RASAL2: variants seen among roughly 807,000 people sequenced by gnomAD.
The protein encoded by RASAL2 is RAS protein activator like 2.
In RASAL2, 58 loss-of-function variants were observed where a neutral mutation model predicts 128.9. The observed-to-expected ratio is 0.45, with a 90% CI of 0.36 to 0.56. The LOEUF is 0.56. Ranked by LOEUF, RASAL2 falls within the 20% of genes least tolerant of loss-of-function variation. The pLI is 0.00. For missense variants in RASAL2, 1,360 were observed against 1,601.6 expected (o/e 0.85, Z 2.57); for synonymous variants, 561 against 580.8 (o/e 0.97, Z 0.49).
chr1:178,268,236 G>A (rs898627480), intron 1 of RASAL2, among the ~76,000 whole-genome samples: 2 of 152,064 alleles, frequency 1.3e-5, no homozygotes, highest in Non-Finnish European at 2.9e-5. Flanking sequence ...TTAGGAGGCC[G>A]AGGCGGGTGG....
intron 1 of RASAL2, among the ~76,000 whole-genome samples, chr1:178,270,894 T>C (rs748063276): frequency 6.6e-6 from 1 of 152,212 alleles, no homozygotes; most frequent in Non-Finnish European, 1.5e-5. Context: ...ATTGCCTGTC[T>C]GGAATGTAAA....
At chr1:178,186,911 A>C (rs1571602540) in intron 1 of RASAL2, among the ~76,000 whole-genome samples, 2 of 147,606 alleles carry the variant, frequency 1.4e-5, no homozygotes, top group Middle Eastern at 6.8e-3. Flanking sequence ...TCAGCCTCCA[A>C]CTCCTGGGCT....
intron 1 of RASAL2, among the ~76,000 whole-genome samples, chr1:178,179,523 T>TA (rs985056210): frequency 6.6e-6 from 1 of 151,978 alleles, no homozygotes; most frequent in Non-Finnish European, 1.5e-5. Context: ...AGAGGACAGG[T>TA]AGTGAGCAAA....
At chr1:178,392,162 CA>C (rs1432219380) in intron 4 of RASAL2, among the ~76,000 whole-genome samples, 1 of 152,032 alleles carries the variant, frequency 6.6e-6, no homozygotes, top group Non-Finnish European at 1.5e-5. Context: ...AGCCTAGTAG[CA>C]AGAGATAGAA....
At chr1:178,292,107 T>C (rs1305553995) in intron 2 of RASAL2, among the ~76,000 whole-genome samples, 2 of 151,684 alleles carry the variant, frequency 1.3e-5, no homozygotes, top group Non-Finnish European at 2.9e-5. Context: ...CATTGAATAA[T>C]TTAGAATTTC....
chr1:178,407,976 C>T (rs1674097875), intron 4 of RASAL2, among the ~76,000 whole-genome samples: 1 of 152,218 alleles, frequency 6.6e-6, no homozygotes, highest in African/African-American at 2.4e-5. Context: ...ATTGTCTTAA[C>T]ATTTACCAAG....
chr1:178,208,709 G>A (rs2101980944), intron 1 of RASAL2, among the ~76,000 whole-genome samples: 1 of 152,110 alleles, frequency 6.6e-6, no homozygotes, highest in South Asian at 2.1e-4. Context: ...TCTGCTTTTT[G>A]CGCTTTGAAG....
intron 1 of RASAL2, among the ~76,000 whole-genome samples, chr1:178,104,654 CT>C (rs1309175424): frequency 6.6e-6 from 1 of 152,154 alleles, no homozygotes; most frequent in East Asian, 1.9e-4. Flanking sequence ...AGTTCTACTG[CT>C]GTGTTGCTAC....
intron 3 of RASAL2, among the ~76,000 whole-genome samples, chr1:178,347,631 G>A (rs976035666): frequency 2.0e-5 from 3 of 152,064 alleles, no homozygotes; most frequent in African/African-American, 4.8e-5. Context: ...CCATCAAAAC[G>A]TCTAAAATGA....
At chr1:178,121,928 T>C (rs1181118779) in intron 1 of RASAL2, among the ~76,000 whole-genome samples, 1 of 152,220 alleles carries the variant, frequency 6.6e-6, no homozygotes, top group Non-Finnish European at 1.5e-5. Context: ...CATTTTTCAC[T>C]GACATCACCT....
At chr1:178,392,027 T>C (rs753886350) in intron 4 of RASAL2, among the ~76,000 whole-genome samples, 2 of 152,220 alleles carry the variant, frequency 1.3e-5, no homozygotes, top group Non-Finnish European at 2.9e-5. Flanking sequence ...CTAAATGAAA[T>C]TATTTACAAT....
chr1:178,372,333 G>T (rs1043124856), intron 3 of RASAL2: 18 of 985,230 alleles, frequency 1.8e-5, no homozygotes, highest in Non-Finnish European at 2.2e-5. Flanking sequence ...GTACGGTAGG[G>T]CTTGCTTGTT....
chr1:178,354,665 C>T (rs12021983), intron 3 of RASAL2, among the ~76,000 whole-genome samples: 34,377 of 152,080 alleles, frequency 0.23, 6,785 homozygotes, highest in African/African-American at 0.54. Context: ...ATTGCATTTC[C>T]ATAGATCAAC....
At chr1:178,414,897 T>G (rs1179038640) in intron 4 of RASAL2, among the ~76,000 whole-genome samples, 3 of 152,206 alleles carry the variant, frequency 2.0e-5, no homozygotes, top group African/African-American at 7.2e-5. Context: ...TTTACCATTT[T>G]AAGGTCCATA....
intron 3 of RASAL2, among the ~76,000 whole-genome samples, chr1:178,347,531 A>G (rs1670214294): frequency 6.6e-6 from 1 of 152,218 alleles, no homozygotes; most frequent in Non-Finnish European, 1.5e-5. Flanking sequence ...AAAAGAGGTA[A>G]TCCAGATGAC....
At chr1:178,397,995 G>C (rs1673358145) in intron 4 of RASAL2, among the ~76,000 whole-genome samples, 1 of 151,778 alleles carries the variant, frequency 6.6e-6, no homozygotes. Flanking sequence ...AAAACACCAG[G>C]CTTAGGAGAC....
At chr1:178,267,941 G>A (rs143678820) in intron 1 of RASAL2, among the ~76,000 whole-genome samples, 207 of 151,144 alleles carry the variant, frequency 1.4e-3, no homozygotes, top group African/African-American at 4.8e-3. Flanking sequence ...TGTATTCCTC[G>A]TTGTGTGGAT....
In RASAL2 at chr1:178,478,556, A is replaced by G. The variant is rs980973122; in HGVS notation, c.*5317A>G. The G allele has an allele frequency of 6.6e-6, 1 of 152,234 alleles. No individual in the cohort carries two copies. The highest frequency in any genetic ancestry group is 1.5e-5 in the Non-Finnish European group (1 of 68,028). 9.4% of individuals were successfully genotyped at this position (152,234 alleles called of 1,614,324 possible). ...TGTGTTAACACACGACTATTTTACA[A>G]TGATAGCTCTAAATAATTTATTTTT... On this transcript the variant is annotated 3_prime_UTR_variant, in exon 18 of 18. Transcript: ENST00000367649.
At chr1:178,176,146 A>G (rs1038306893) in intron 1 of RASAL2, among the ~76,000 whole-genome samples, 1 of 152,110 alleles carries the variant, frequency 6.6e-6, no homozygotes, top group African/African-American at 2.4e-5. Flanking sequence ...TTTACCATAG[A>G]GGTTGTACTA....
Sources: gnomAD v4.1 joint callset for allele counts (sites outside exome capture counted in the v4.1 genomes callset) on GRCh38, gnomAD v4.1.1 for gene constraint, MANE v1.5 for transcripts, NCBI Gene and HGNC (gene_info 2026-07-23, HGNC 2026-07-21) for gene names.